RS1: variants seen among roughly 807,000 people sequenced by gnomAD.
RS1 encodes the protein retinoschisin.
In RS1, 2 loss-of-function variants were observed where a neutral mutation model predicts 20.8. The observed-to-expected ratio is 0.10, with a 90% CI of 0.04 to 0.30. The LOEUF (loss-of-function observed/expected upper bound fraction) is 0.30, where lower values mean the gene tolerates loss of function less well. Among genes scored for constraint, RS1 ranks in the 10% least tolerant of loss-of-function variants. RS1 has a pLI of 1.00. For missense variants in RS1, 151 were observed against 189.8 expected, an observed-to-expected ratio of 0.80 and a Z score of 1.20; for synonymous variants, 70 against 75.8, an observed-to-expected ratio of 0.92 and a Z score of 0.40.
intron 1 of RS1, among the ~76,000 whole-genome samples, chrX:18,662,496 C>G (rs1387623082): frequency 1.8e-5 from 2 of 110,926 alleles, no homozygotes; most frequent in Non-Finnish European, 3.8e-5. Flanking sequence ...GTTCCTCGCT[C>G]TGTCTCCAAG....
At chrX:18,650,500 C>G in intron 3 of RS1, 1 of 1,211,968 alleles carries the variant, frequency 8.3e-7, no homozygotes, top group Non-Finnish European at 1.1e-6. Context: ...AGTCCTGCTC[C>G]CTATCCAGTA....
rs766491401 is a variant in RS1, at chrX:18,641,975, C to T, written c.*29G>A. 70 of 1,206,143 alleles carry T rather than the reference C, an allele frequency of 5.8e-5. No homozygotes were observed. The highest frequency in any genetic ancestry group is 7.8e-5 in the Non-Finnish European group (70 of 893,099). On this transcript the variant is annotated 3_prime_UTR_variant, in exon 6 of 6. Transcript: ENST00000379984. ...TACGGCCCGCTCTGTGCCAGTCACCCCCTGGCAGGCGCCGAGCTGAGGCAG... is the reference window on the plus strand; with the variant it reads ...TACGGCCCGCTCTGTGCCAGTCACCTCCTGGCAGGCGCCGAGCTGAGGCAG...
intron 2 of RS1, 146 bp from the exon 3 acceptor site, chrX:18,656,904 A>G (rs1357506754): frequency 7.8e-6 from 4 of 516,103 alleles, no homozygotes; most frequent in Non-Finnish European, 1.4e-5. Context: ...TCCAGCCTCA[A>G]TACACACAGC....
At chrX:18,645,229 T>C (rs1000507732) in intron 4 of RS1, among the ~76,000 whole-genome samples, 1 of 111,835 alleles carries the variant, frequency 8.9e-6, no homozygotes, top group Non-Finnish European at 1.9e-5. Flanking sequence ...TTTTAGTGTG[T>C]ATTTTAATTA....
chrX:18,663,366 CAG>C, intron 1 of RS1, among the ~76,000 whole-genome samples: 1 of 57,941 alleles, frequency 1.7e-5, no homozygotes, highest in East Asian at 5.8e-4. Context: ...TTTTTTGAGA[CAG>C]GGTCTTACTC....
At chrX:18,654,502 G>A (rs1321213620) in intron 3 of RS1, among the ~76,000 whole-genome samples, 2 of 112,345 alleles carry the variant, frequency 1.8e-5, no homozygotes, top group South Asian at 3.7e-4. Context: ...AAGAACATTC[G>A]TTACCACTGA....
intron 1 of RS1, among the ~76,000 whole-genome samples, chrX:18,664,510 C>T (rs1381450553): frequency 9.1e-6 from 1 of 110,127 alleles, no homozygotes; most frequent in Admixed American, 9.7e-5. Context: ...CACCTGTAGT[C>T]CCAGCTACTC....
At chrX:18,660,104 T>C (rs1363823198) in intron 1 of RS1, among the ~76,000 whole-genome samples, 2 of 111,601 alleles carry the variant, frequency 1.8e-5, no homozygotes, top group African/African-American at 6.5e-5. Flanking sequence ...CTCTGAAAGC[T>C]CCTGTGCCAT....
Position 18,641,617 on chromosome X carries a change from T to C in RS1, c.*387A>G. On this transcript the variant is annotated 3_prime_UTR_variant, in exon 6 of 6. Coordinates refer to ENST00000379984, the MANE Select transcript of RS1 (RefSeq NM_000330.4). Reference sequence around the variant, plus strand: ...AAGCCAGGCTTTAGGAAACTGTATGTTTCTGTCTTGAATGTGGTAAAGCAA... The same window carrying C: ...AAGCCAGGCTTTAGGAAACTGTATGCTTCTGTCTTGAATGTGGTAAAGCAA... 5.4e-6 allele frequency: 1 copy of C among 183,972 alleles called. No homozygotes were observed. The highest frequency in any genetic ancestry group is 1.4e-4 in the East Asian group (1 of 7,011). 15.2% of individuals were successfully genotyped at this position (183,972 alleles called of 1,213,427 possible). A position where few individuals can be genotyped will look rare whatever the true frequency, so the allele number is the denominator to read the frequency against.
intron 1 of RS1, among the ~76,000 whole-genome samples, chrX:18,658,156 T>C (rs1453445161): frequency 1.8e-5 from 2 of 110,897 alleles, no homozygotes; most frequent in African/African-American, 6.6e-5. Flanking sequence ...GGCGACAGAG[T>C]AAGACTCTGT....
rs546781809 is a variant in RS1, at chrX:18,656,514, A to G, written c.184+139T>C. The G allele has an allele frequency of 4.4e-3, 2,464 of 560,662 alleles. 11 individuals carry two copies. Among genetic ancestry groups the G allele is most frequent in the Middle Eastern group, 0.011 (28 of 2,545 alleles). 46.2% of individuals were successfully genotyped at this position (560,662 alleles called of 1,213,427 possible). On this transcript the variant is annotated intron_variant, in intron 3 of 5. Coordinates refer to ENST00000379984, the MANE Select transcript of RS1 (RefSeq NM_000330.4). ...CTTACTAATAGTAATAAATAGTAATAAATACACACAGCTACCACTCATCTT... is the reference window on the plus strand; with the variant it reads ...CTTACTAATAGTAATAAATAGTAATGAATACACACAGCTACCACTCATCTT...
At chrX:18,647,410 A>C (rs1302023356) in intron 3 of RS1, 78 bp from the exon 4 acceptor site, 2 of 1,078,971 alleles carry the variant, frequency 1.9e-6, no homozygotes, top group Non-Finnish European at 2.6e-6. Context: ...TAACAAAACA[A>C]ACCCATCTGC....
intron 4 of RS1, 108 bp from the exon 5 acceptor site, chrX:18,644,733 C>A: frequency 2.6e-6 from 2 of 774,408 alleles, no homozygotes; most frequent in Non-Finnish European, 3.9e-6. Flanking sequence ...AGCCCCCTGC[C>A]AAGCTCGGGC....
At chrX:18,660,353 T>C (rs1928289946) in intron 1 of RS1, among the ~76,000 whole-genome samples, 1 of 109,157 alleles carries the variant, frequency 9.2e-6, no homozygotes, top group Admixed American at 9.9e-5. Flanking sequence ...GTAGCTGGGA[T>C]TACAGCCACC....
chrX:18,657,670 A>G lies in RS1; in HGVS notation c.53-5T>C, dbSNP rs1182887170. ...TAGACGATAATCCCAATGTGGCTAA[A>G]GCAAAAGGATGAGACAGAAAAAATC... On this transcript the variant is annotated splice_polypyrimidine_tract_variant and splice_region_variant and intron_variant, in intron 1 of 5. Coordinates refer to ENST00000379984, the MANE Select transcript of RS1 (RefSeq NM_000330.4). 1 of 1,189,335 alleles carries G rather than the reference A, an allele frequency of 8.4e-7. No individual in the cohort carries two copies. Among genetic ancestry groups the G allele is most frequent in the African/African-American group, 1.8e-5 (1 of 56,850 alleles).
chrX:18,664,469 G>A (rs1410924748), intron 1 of RS1, among the ~76,000 whole-genome samples: 1 of 111,357 alleles, frequency 9.0e-6, no homozygotes, highest in African/African-American at 3.3e-5. Context: ...CTCTACTAAA[G>A]ATACAAAAAT....
intron 3 of RS1, chrX:18,649,988 C>T: frequency 4.9e-6 from 1 of 203,960 alleles, no homozygotes; most frequent in Non-Finnish European, 9.1e-6. Flanking sequence ...CCGCCGCCGC[C>T]GCCCCGCTCA....
chrX:18,661,729 C>A lies in RS1; in HGVS notation c.53-4064G>T, dbSNP rs184276284. Among the ~76,000 whole-genome samples the A allele has an allele frequency of 2.2e-4, 25 of 111,827 alleles. No homozygotes were observed. In the Admixed American group the frequency reaches 2.4e-3, roughly 11 times the overall value. Reference sequence around the variant, plus strand: ...CTGGCCAAACTCCACCTCGTTCCGCCGGTTGATGGCCTGGGGCTGCCGGCG... The same window carrying A: ...CTGGCCAAACTCCACCTCGTTCCGCAGGTTGATGGCCTGGGGCTGCCGGCG... On this transcript the variant is annotated intron_variant, in intron 1 of 5. Coordinates refer to ENST00000379984, the MANE Select transcript of RS1 (RefSeq NM_000330.4).
At chrX:18,642,896 T>A (rs1927636508) in intron 5 of RS1, among the ~76,000 whole-genome samples, 1 of 110,143 alleles carries the variant, frequency 9.1e-6, no homozygotes, top group African/African-American at 3.3e-5. Flanking sequence ...ACAAAAAAAT[T>A]AGCCAGGCGC....
Sources: allele counts gnomAD v4.1 joint callset (sites outside exome capture counted in the v4.1 genomes callset), GRCh38; gene constraint gnomAD v4.1.1; transcripts MANE v1.5; gene names NCBI Gene and HGNC (gene_info 2026-07-23, HGNC 2026-07-21).